Variants in VPS13D observed in about 807,000 individuals in gnomAD.
The protein encoded by VPS13D is intermembrane lipid transfer protein VPS13D.
VPS13D carries 187 observed loss-of-function variants against 461.9 expected under a neutral mutation model. The observed-to-expected ratio is 0.40, with a 90% confidence interval of 0.36 to 0.46. VPS13D has a LOEUF of 0.46. Ranked by LOEUF, VPS13D falls within the 20% of genes least tolerant of loss-of-function variation. VPS13D has a pLI of 0.60. For missense variants in VPS13D, 4,711 were observed against 5,364.9 expected (o/e 0.88, Z 3.81); for synonymous variants, 1,951 against 1,986.3 (o/e 0.98, Z 0.47).
chr1:12,401,730 G>C (rs752841811), intron 62 of VPS13D, 26 bp downstream of exon 62: 3 of 1,584,798 alleles, frequency 1.9e-6, no homozygotes, highest in Non-Finnish European at 2.6e-6. Flanking sequence ...CTATGTCTGT[G>C]TTTGGGAATT....
chr1:12,264,401 C>G (rs1390513332), intron 13 of VPS13D, among the ~76,000 whole-genome samples: 1 of 152,208 alleles, frequency 6.6e-6, no homozygotes, highest in Non-Finnish European at 1.5e-5. Flanking sequence ...CCACTTGTGC[C>G]AAACAGTTAG....
chr1:12,234,063 C>T, intron 1 of VPS13D, 128 bp from the exon 2 acceptor site: 2 of 445,102 alleles, frequency 4.5e-6, no homozygotes, highest in Admixed American at 3.5e-5. Context: ...AAAACAAAAA[C>T]ACAAACAAAC....
At chr1:12,383,550 T>C (rs1452182530) in intron 58 of VPS13D, among the ~76,000 whole-genome samples, 2 of 151,782 alleles carry the variant, frequency 1.3e-5, no homozygotes, top group Non-Finnish European at 2.9e-5. Context: ...GAGTGGAGGG[T>C]GTATGGAAAG....
At chr1:12,414,599 C>T (rs190024630) in intron 63 of VPS13D, among the ~76,000 whole-genome samples, 435 of 152,156 alleles carry the variant, frequency 2.9e-3, no homozygotes, top group Non-Finnish European at 4.3e-3. Context: ...CTGTGGTTGT[C>T]TTTGGGGAGG....
intron 67 of VPS13D, among the ~76,000 whole-genome samples, chr1:12,486,418 C>T (rs1209148636): frequency 2.6e-5 from 4 of 152,186 alleles, no homozygotes; most frequent in African/African-American, 9.7e-5. Context: ...GAGCTAGTGC[C>T]GTGACCTGAT....
chr1:12,230,774 C>G (rs1639940702), intron 1 of VPS13D, among the ~76,000 whole-genome samples: 2 of 151,804 alleles, frequency 1.3e-5, no homozygotes, highest in South Asian at 4.2e-4. Flanking sequence ...CCTCTCTTTA[C>G]CTTTTACCCC....
At chr1:12,318,399 T>C in intron 31 of VPS13D, 62 bp downstream of exon 31, 1 of 1,548,054 alleles carries the variant, frequency 6.5e-7, no homozygotes, top group South Asian at 1.2e-5. Flanking sequence ...AATATCTGCC[T>C]TACAGGATGA....
At chr1:12,311,666 C>A (rs1370019695) in intron 28 of VPS13D, 41 bp downstream of exon 28, 1 of 1,608,854 alleles carries the variant, frequency 6.2e-7, no homozygotes, top group Non-Finnish European at 8.5e-7. Context: ...CTCATAGTCT[C>A]AGCTGACGGT....
Position 12,378,329 on chromosome 1 carries a change from T to C in VPS13D, c.10918-99T>C, listed in dbSNP as rs779677307. The C allele has an allele frequency of 2.6e-6, 3 of 1,136,266 alleles. No individual in the cohort carries two copies. In the African/African-American group the frequency reaches 4.8e-5, roughly 18 times the overall value. 70.4% of individuals were successfully genotyped at this position (1,136,266 alleles called of 1,614,324 possible). On this transcript the variant is annotated intron_variant, in intron 55 of 69. Transcript: ENST00000620676. The stretch of plus-strand genomic sequence containing the variant: ...AAAACGTCTAAATAAACTTCCTATA[T>C]GAGAACTTATTTAGCCCTAGAGGAA...
At chr1:12,306,131 C>T (rs940757585) in intron 26 of VPS13D, among the ~76,000 whole-genome samples, 9 of 151,980 alleles carry the variant, frequency 5.9e-5, no homozygotes, top group Admixed American at 5.9e-4. Flanking sequence ...CTACAGGCGC[C>T]CGCCACCACG....
chr1:12,256,214 C>A, intron 7 of VPS13D, 119 bp from the exon 8 acceptor site: 1 of 1,131,666 alleles, frequency 8.8e-7, no homozygotes, highest in Non-Finnish European at 1.2e-6. Context: ...AAATATTTGC[C>A]GCTGTGACAC....
intron 65 of VPS13D, among the ~76,000 whole-genome samples, chr1:12,433,016 A>C (rs1410781317): frequency 6.6e-6 from 1 of 152,188 alleles, no homozygotes; most frequent in Non-Finnish European, 1.5e-5. Context: ...TTAGTACCTT[A>C]GTACCTTTTC....
intron 67 of VPS13D, 166 bp from the exon 68 acceptor site, chr1:12,497,334 T>C: frequency 2.8e-6 from 2 of 714,668 alleles, no homozygotes; most frequent in Non-Finnish European, 4.0e-6. Context: ...TGAGGGTCTT[T>C]AACCGCTATT....
rs1557685198 is a variant in VPS13D, at chr1:12,283,725, C to T, written c.5623C>T (p.Leu1875=). 1 of 1,612,212 alleles carries T rather than the reference C, an allele frequency of 6.2e-7. No homozygotes were observed. The highest frequency in any genetic ancestry group is 2.2e-5 in the East Asian group (1 of 44,840). The change falls in exon 21 of 70, where the codon CTG becomes TTG. Residue 1875 remains leucine, a synonymous_variant. Transcript: ENST00000620676. The stretch of plus-strand genomic sequence containing the variant: ...ACTTCAGGATCCAGTGAACACCAAA[C>T]TGGATCTCAAGGTATCCTCAGTTCC... The part of the protein sequence containing the change: ...SGLQDPVNTK[L]DLKVHSLSLV...
chr1:12,499,894 A>G, intron 68 of VPS13D: 2 of 985,428 alleles, frequency 2.0e-6, no homozygotes, highest in Non-Finnish European at 2.4e-6. Flanking sequence ...ACGAGCGCCA[A>G]ATTATACCTC....
In VPS13D at chr1:12,356,109, C is replaced by A; in HGVS notation, c.9871+19C>A. On this transcript the variant is annotated intron_variant, in intron 48 of 69. Transcript: ENST00000620676. ...AAAACAGGTACATACAGGGGCTGCT[C>A]AAGTAGGTCTTTGGCGTTAGTCATG... The A allele has an allele frequency of 6.3e-7, 1 of 1,583,040 alleles. No homozygotes were observed. The highest frequency in any genetic ancestry group is 8.6e-7 in the Non-Finnish European group (1 of 1,162,426).
chr1:12,461,386 G>A (rs1251714865), intron 67 of VPS13D, among the ~76,000 whole-genome samples: 1 of 152,200 alleles, frequency 6.6e-6, no homozygotes, highest in Non-Finnish European at 1.5e-5. Context: ...CTGCAGTAGG[G>A]GAAATGCTCC....
intron 65 of VPS13D, among the ~76,000 whole-genome samples, chr1:12,445,813 G>C (rs955183903): frequency 6.6e-6 from 1 of 152,202 alleles, no homozygotes; most frequent in Admixed American, 6.5e-5. Flanking sequence ...AAGTACCTTA[G>C]ATTTGAACTA....
chr1:12,309,050 T>C (rs1041108081), intron 27 of VPS13D, among the ~76,000 whole-genome samples: 3 of 152,146 alleles, frequency 2.0e-5, no homozygotes, highest in African/African-American at 7.2e-5. Context: ...TATTTCTTCG[T>C]CTATTTAACA....
Sources: allele counts gnomAD v4.1 joint callset (sites outside exome capture counted in the v4.1 genomes callset), GRCh38; gene constraint gnomAD v4.1.1; transcripts MANE v1.5; gene names NCBI Gene and HGNC (gene_info 2026-07-23, HGNC 2026-07-21).